Variants in GRID2 observed in about 807,000 individuals in gnomAD.
The protein encoded by GRID2 is glutamate ionotropic receptor delta type subunit 2.
Under a neutral mutation model 114.8 loss-of-function variants are expected in GRID2, and 33 were observed. The ratio of observed to expected loss-of-function variants is 0.29; its 90% CI spans 0.22 to 0.38. The LOEUF (loss-of-function observed/expected upper bound fraction) is 0.38. GRID2 is among the 10% of genes least tolerant of loss of function. The probability of loss-of-function intolerance (pLI) is 1.00; values close to 1 mark genes in which losing one functional copy is unlikely to be tolerated. For missense variants in GRID2, 1,184 were observed against 1,257.7 expected (o/e 0.94, Z 0.89); for synonymous variants, 505 against 449.9 (o/e 1.12, Z -1.55).
chr4:93,719,637 T>G lies in GRID2; in HGVS notation c.2361-49573T>G, dbSNP rs575896100. On this transcript the variant is annotated intron_variant, in intron 14 of 15. Coordinates refer to ENST00000282020, the MANE Select transcript of GRID2 (RefSeq NM_001510.4). ...AATTGAGTTTCTATGATGAAATCTA[T>G]AGTTTTACTACACACTTAATAAATA... 2.6e-3 allele frequency among the ~76,000 whole-genome samples: 402 copies of G among 152,350 alleles called. 4 individuals carry two copies. Among genetic ancestry groups the G allele is most frequent in the African/African-American group, 9.2e-3 (384 of 41,578 alleles).
intron 1 of GRID2, among the ~76,000 whole-genome samples, chr4:92,446,549 A>G (rs933360710): frequency 2.0e-5 from 3 of 152,178 alleles, no homozygotes; most frequent in Non-Finnish European, 4.4e-5. Flanking sequence ...GACCTATTGT[A>G]AAGTTCTCTG....
At chr4:92,574,599 G>T (rs1212188821) in intron 1 of GRID2, among the ~76,000 whole-genome samples, 1 of 151,980 alleles carries the variant, frequency 6.6e-6, no homozygotes, top group Non-Finnish European at 1.5e-5. Context: ...AGTTTGTCCA[G>T]ATATGAAATT....
chr4:92,654,234 A>T (rs902039116), intron 2 of GRID2, among the ~76,000 whole-genome samples: 1 of 151,986 alleles, frequency 6.6e-6, no homozygotes, highest in African/African-American at 2.4e-5. Context: ...TGACTCTCCT[A>T]TCCTCACATG....
intron 1 of GRID2, among the ~76,000 whole-genome samples, chr4:92,436,326 T>C (rs1732732567): frequency 6.6e-6 from 1 of 152,070 alleles, no homozygotes; most frequent in Non-Finnish European, 1.5e-5. Context: ...CCTATATCAA[T>C]GAATTAAAAA....
intron 4 of GRID2, among the ~76,000 whole-genome samples, chr4:93,120,604 G>A (rs1257944892): frequency 6.6e-6 from 1 of 152,134 alleles, no homozygotes; most frequent in East Asian, 1.9e-4. Context: ...AGGGAGTGAG[G>A]AGCAAGGGGA....
chr4:93,675,901 G>A (rs1177254895), intron 14 of GRID2, among the ~76,000 whole-genome samples: 1 of 152,170 alleles, frequency 6.6e-6, no homozygotes, highest in Non-Finnish European at 1.5e-5. Context: ...CCTAAGCAGA[G>A]GTTGGAAACA....
intron 8 of GRID2, among the ~76,000 whole-genome samples, chr4:93,251,202 A>G (rs1748882311): frequency 1.3e-5 from 2 of 152,150 alleles, no homozygotes; most frequent in Admixed American, 6.6e-5. Context: ...TTTCATATTT[A>G]AAATTATCTG....
intron 2 of GRID2, among the ~76,000 whole-genome samples, chr4:92,609,392 GA>G (rs900198865): frequency 3.3e-5 from 5 of 149,500 alleles, no homozygotes; most frequent in African/African-American, 7.3e-5. Context: ...TCTAGTTGAA[GA>G]AAAAAAATAA....
intron 4 of GRID2, among the ~76,000 whole-genome samples, chr4:93,142,076 T>C (rs1289214930): frequency 1.3e-5 from 2 of 152,226 alleles, no homozygotes; most frequent in African/African-American, 2.4e-5. Context: ...TAGCTGAGCA[T>C]GGTGGTGTGT....
At chr4:92,852,121 C>T (rs779845820) in intron 2 of GRID2, among the ~76,000 whole-genome samples, 3 of 151,814 alleles carry the variant, frequency 2.0e-5, no homozygotes, top group Admixed American at 6.6e-5. Context: ...TAAAGACAAT[C>T]TCGGGTAAGA....
intron 8 of GRID2, among the ~76,000 whole-genome samples, chr4:93,333,811 C>T (rs552920681): frequency 2.6e-5 from 4 of 152,174 alleles, no homozygotes; most frequent in African/African-American, 9.6e-5. Flanking sequence ...TGAAAGTTTA[C>T]TTATGAGTCA....
At chr4:93,573,843 T>C (rs1736156692) in intron 13 of GRID2, among the ~76,000 whole-genome samples, 1 of 152,130 alleles carries the variant, frequency 6.6e-6, no homozygotes, top group Non-Finnish European at 1.5e-5. Flanking sequence ...GTTGAAATAA[T>C]TTATGAGTTG....
chr4:93,098,272 T>C (rs1235843155), intron 3 of GRID2, among the ~76,000 whole-genome samples: 1 of 151,998 alleles, frequency 6.6e-6, no homozygotes, highest in Non-Finnish European at 1.5e-5. Context: ...TGTTCTCAAT[T>C]GGCTTAACAT....
chr4:92,910,118 G>A (rs537970236), intron 2 of GRID2, among the ~76,000 whole-genome samples: 7 of 152,024 alleles, frequency 4.6e-5, no homozygotes, highest in African/African-American at 1.2e-4. Flanking sequence ...TTATAATATA[G>A]GATGGATGAT....
At chr4:93,050,168 T>A (rs1268336819) in intron 2 of GRID2, among the ~76,000 whole-genome samples, 1 of 152,078 alleles carries the variant, frequency 6.6e-6, no homozygotes, top group Non-Finnish European at 1.5e-5. Context: ...TAGCTAACAA[T>A]GTATAGCCCT....
chr4:93,378,887 T>C (rs11737556), intron 8 of GRID2, among the ~76,000 whole-genome samples: 106,074 of 151,872 alleles, frequency 0.7, 37,880 homozygotes, highest in African/African-American at 0.86. Flanking sequence ...ATTATTTTTT[T>C]GGTTGGATAG....
rs1745289949 is a variant in GRID2, at chr4:93,224,754, C to T, written c.1104C>T (p.Ser368=). The T allele has an allele frequency of 3.1e-6, 5 of 1,612,082 alleles. No homozygotes were observed. In the South Asian group the frequency reaches 4.4e-5, roughly 14 times the overall value. The change falls in exon 7 of 16, where the codon TCC becomes TCT. Residue 368 remains serine (S), a synonymous_variant. Transcript: ENST00000282020. The part of the protein sequence containing the change: ...KNSKPWQGGR[S]MLETIKKGGV... ...CAAAGCCCTGGCAGGGTGGGCGCTC[C>T]ATGTTGGAGACCATCAAGAAGGTAA...
chr4:92,797,832 AG>A (rs1378169559), intron 2 of GRID2, among the ~76,000 whole-genome samples: 1 of 151,958 alleles, frequency 6.6e-6, no homozygotes, highest in East Asian at 1.9e-4. Flanking sequence ...ATGTTGTTCA[AG>A]GGCCAACTAT....
intron 8 of GRID2, among the ~76,000 whole-genome samples, chr4:93,279,834 A>T (rs915936159): frequency 1.3e-5 from 2 of 151,994 alleles, no homozygotes. Flanking sequence ...GATACTTTCT[A>T]TCAGGATCTT....
Sources: gnomAD v4.1 joint callset for allele counts (sites outside exome capture counted in the v4.1 genomes callset) on GRCh38, gnomAD v4.1.1 for gene constraint, MANE v1.5 for transcripts, NCBI Gene and HGNC (gene_info 2026-07-23, HGNC 2026-07-21) for gene names.